The following TFAP2D variants were observed in gnomAD, a reference collection of about 807,000 sequenced individuals.
TFAP2D encodes the protein transcription factor AP-2-delta.
In TFAP2D, 9 loss-of-function variants were observed where a neutral mutation model predicts 43.6. That is an observed-to-expected ratio of 0.21 (90% CI 0.12 to 0.36). The LOEUF (loss-of-function observed/expected upper bound fraction) is 0.36. Among genes scored for constraint, TFAP2D ranks in the 10% least tolerant of loss-of-function variants. The pLI is 1.00. For missense variants in TFAP2D, 513 were observed against 561.4 expected (o/e 0.91, Z 0.87); for synonymous variants, 256 against 224.9 (o/e 1.14, Z -1.24).
At chr6:50,735,950 C>G (rs1391471093) in intron 5 of TFAP2D, among the ~76,000 whole-genome samples, 1 of 152,130 alleles carries the variant, frequency 6.6e-6, no homozygotes, top group African/African-American at 2.4e-5. Flanking sequence ...AGGGAATGCT[C>G]ATTGTAAGTC....
intron 7 of TFAP2D, among the ~76,000 whole-genome samples, chr6:50,753,732 T>C (rs1439408155): frequency 6.6e-6 from 1 of 152,074 alleles, no homozygotes; most frequent in Non-Finnish European, 1.5e-5. Flanking sequence ...TTACTTACAA[T>C]AGTATCATCT....
intron 5 of TFAP2D, among the ~76,000 whole-genome samples, chr6:50,742,896 C>T (rs1037167942): frequency 4.0e-5 from 6 of 148,896 alleles, no homozygotes; most frequent in Non-Finnish European, 8.9e-5. Flanking sequence ...AAATAATCTC[C>T]CTTCTATCAT....
intron 5 of TFAP2D, among the ~76,000 whole-genome samples, chr6:50,738,930 A>G (rs1259143656): frequency 2.0e-5 from 3 of 152,160 alleles, no homozygotes; most frequent in Non-Finnish European, 4.4e-5. Flanking sequence ...CATTTTTGGA[A>G]GATGTGCAGT....
At chr6:50,725,049 C>T (rs1036049997) in intron 3 of TFAP2D, among the ~76,000 whole-genome samples, 1 of 152,080 alleles carries the variant, frequency 6.6e-6, no homozygotes, top group South Asian at 2.1e-4. Context: ...ACTTGTAGCC[C>T]GGTACTCTTT....
intron 2 of TFAP2D, among the ~76,000 whole-genome samples, chr6:50,717,303 G>A (rs1296190967): frequency 3.9e-5 from 6 of 152,158 alleles, no homozygotes. Context: ...CATTCAACTG[G>A]TCATTTATGC....
At chr6:50,748,578 C>T (rs556189305) in intron 6 of TFAP2D, among the ~76,000 whole-genome samples, 73 of 151,880 alleles carry the variant, frequency 4.8e-4, no homozygotes, top group African/African-American at 1.8e-3. Flanking sequence ...TCTCATGCCA[C>T]CTTATTTCCA....
chr6:50,772,226 CA>C (rs1769538844), intron 7 of TFAP2D, among the ~76,000 whole-genome samples: 1 of 151,790 alleles, frequency 6.6e-6, no homozygotes, highest in African/African-American at 2.4e-5. Context: ...GGAACTCACA[CA>C]CCGGGGCCTG....
rs780919631 is a variant in TFAP2D, at chr6:50,728,947, C to A, written c.690C>A (p.Thr230=). The A allele has an allele frequency of 1.2e-6, 2 of 1,613,880 alleles. No homozygotes were observed. The highest frequency in any genetic ancestry group is 2.7e-5 in the African/African-American group (2 of 74,860). The change falls in exon 4 of 8, where the codon ACC becomes ACA. Residue 230 remains threonine, a synonymous_variant. Coordinates refer to ENST00000008391, the MANE Select transcript of TFAP2D (RefSeq NM_172238.4). The part of the protein sequence containing the change: ...LLSSTSKYKV[T]IAEVKRRLSP... Reference sequence around the variant, plus strand: ...GTTCTACTTCCAAATACAAGGTGACCATTGCTGAGGTAAAGAGGCGCCTCT... The same window carrying A: ...GTTCTACTTCCAAATACAAGGTGACAATTGCTGAGGTAAAGAGGCGCCTCT...
In TFAP2D at chr6:50,730,435, G is replaced by A. The variant is rs187274023; in HGVS notation, c.883+1123G>A. Among the ~76,000 whole-genome samples the A allele has an allele frequency of 4.6e-5, 7 of 152,060 alleles. No homozygotes were observed. In the East Asian group the frequency reaches 9.7e-4, roughly 21 times the overall value. ...TAGGTCTTGTGTTGTGTTTGCCTGC[G>A]TGTGCTGGTACTAAAGGCTGGCATA... On this transcript the variant is annotated intron_variant, in intron 5 of 7. Transcript: ENST00000008391.
chr6:50,744,451 T>A (rs1677622809), intron 5 of TFAP2D, among the ~76,000 whole-genome samples: 1 of 152,152 alleles, frequency 6.6e-6, no homozygotes, highest in African/African-American at 2.4e-5. Context: ...TAAATAAAAG[T>A]TTAGTGGACA....
intron 5 of TFAP2D, among the ~76,000 whole-genome samples, chr6:50,742,951 TAAA>T (rs1769072747): frequency 1.5e-5 from 1 of 68,430 alleles, no homozygotes; most frequent in African/African-American, 4.3e-5. Flanking sequence ...ACAACGACTT[TAAA>T]ACACACACAC....
intron 3 of TFAP2D, 68 bp downstream of exon 3, chr6:50,719,218 T>A: frequency 6.6e-7 from 1 of 1,515,348 alleles, no homozygotes; most frequent in Non-Finnish European, 9.1e-7. Context: ...GTTTAGAAGA[T>A]CTGGTTGTGC....
chr6:50,772,337 A>G (rs1343926053), intron 7 of TFAP2D, among the ~76,000 whole-genome samples: 2 of 152,204 alleles, frequency 1.3e-5, no homozygotes, highest in Non-Finnish European at 2.9e-5. Flanking sequence ...ACATGTATAC[A>G]TATGTAACAA....
rs548649804 is a variant in TFAP2D at position 50,726,792 on chromosome 6, C to A, written c.599-2064C>A. ...TCTAAGTACAGAGTGAAACCGATAACAAAAGTGAAATGGTAGTCTTAGGTC... is the reference window on the plus strand; with the variant it reads ...TCTAAGTACAGAGTGAAACCGATAAAAAAAGTGAAATGGTAGTCTTAGGTC... On this transcript the variant is annotated intron_variant, in intron 3 of 7. Transcript: ENST00000008391. Among the ~76,000 whole-genome samples, 5 of 152,156 alleles carry A rather than the reference C, an allele frequency of 3.3e-5. No homozygotes were observed. In the East Asian group the frequency reaches 9.7e-4, roughly 29 times the overall value.
chr6:50,735,504 C>T lies in TFAP2D; in HGVS notation c.883+6192C>T, dbSNP rs1255008151. 2.6e-5 allele frequency among the ~76,000 whole-genome samples: 4 copies of T among 152,126 alleles called. No individual in the cohort carries two copies. In the South Asian group the frequency reaches 6.2e-4, roughly 24 times the overall value. On this transcript the variant is annotated intron_variant, in intron 5 of 7. Coordinates refer to ENST00000008391, the MANE Select transcript of TFAP2D (RefSeq NM_172238.4). ...TACAGGGTTTTTAAAACCTGATGAA[C>T]CTTCTGCTTCTACTTAATCCCTCAA...
At position 50,745,181 on chromosome 6, in the gene TFAP2D, C is replaced by T. The variant is rs1769108160; in HGVS notation, c.958C>T (p.His320Tyr). 2 of 1,613,584 alleles carry T rather than the reference C, an allele frequency of 1.2e-6. No individual in the cohort carries two copies. Among genetic ancestry groups the T allele is most frequent in the East Asian group, 2.2e-5 (1 of 44,874 alleles). Reference protein sequence around the residue: ...TEFPAKAVGEHLARQHMEQKE... With the variant: ...TEFPAKAVGEYLARQHMEQKE... ...GTTTCCAGCCAAAGCAGTAGGAGAA[C>T]ATCTTGCCAGACAACATATGGAACA... Residue 320 changes from histidine (H) to tyrosine (Y), a missense_variant, in exon 6 of 8, where the codon CAT becomes TAT. His to Tyr is a moderately conservative substitution (Grantham distance 83). Transcript: ENST00000008391.
Position 50,772,824 on chromosome 6 carries a change from A to G in TFAP2D, c.1319A>G (p.Glu440Gly), listed in dbSNP as rs879075945. 1 of 1,614,078 alleles carries G rather than the reference A, an allele frequency of 6.2e-7. No individual in the cohort carries two copies. The highest frequency in any genetic ancestry group is 1.1e-5 in the South Asian group (1 of 91,078). The change falls in exon 8 of 8, where the codon GAG becomes GGG. Residue 440 changes from glutamate to glycine, a missense_variant. Physicochemically the swap from Glu to Gly is moderately conservative, Grantham distance 98. Coordinates refer to ENST00000008391, the MANE Select transcript of TFAP2D (RefSeq NM_172238.4). ...AAAGCTCCCCTGCGGAAAACTTCAG[A>G]GGCTGCCGTGAAAGAGGGCAAAACA... ...SEKAPLRKTS[E>G]AAVKEGKTEK...
intron 2 of TFAP2D, 83 bp downstream of exon 2, chr6:50,715,696 G>A (rs1325829861): frequency 2.8e-6 from 4 of 1,445,038 alleles, no homozygotes; most frequent in Middle Eastern, 1.9e-4. Context: ...CGACTGTAAA[G>A]CGTCTCTCTT....
chr6:50,740,236 T>C (rs756497085), intron 5 of TFAP2D, among the ~76,000 whole-genome samples: 2 of 152,186 alleles, frequency 1.3e-5, no homozygotes, highest in African/African-American at 4.8e-5. Flanking sequence ...TTTAATAACA[T>C]TGGGTTTTGC....
Sources: gnomAD v4.1 joint callset for allele counts (sites outside exome capture counted in the v4.1 genomes callset) on GRCh38, gnomAD v4.1.1 for gene constraint, MANE v1.5 for transcripts, NCBI Gene and HGNC (gene_info 2026-07-23, HGNC 2026-07-21) for gene names.